Variants in PAXIP1 observed in about 807,000 individuals in gnomAD.
The protein encoded by PAXIP1 is PAX interacting protein 1, also known as PAX-interacting protein 1.
A neutral mutation model predicts 140.6 loss-of-function variants in PAXIP1; 19 were observed. The observed-to-expected ratio is 0.14, with a 90% confidence interval of 0.09 to 0.20. The LOEUF (loss-of-function observed/expected upper bound fraction) is 0.20. Ranked by LOEUF, PAXIP1 falls within the 10% of genes least tolerant of loss-of-function variation. The pLI is 1.00. For missense variants in PAXIP1, 920 were observed against 1,208.6 expected (o/e 0.76, Z 3.54); for synonymous variants, 442 against 444.6 (o/e 0.99, Z 0.07).
Position 154,968,962 on chromosome 7 carries a change from C to T in PAXIP1, c.1239G>A (p.Gln413=), listed in dbSNP as rs1052436124. Residue 413 remains glutamine, a synonymous_variant, in exon 7 of 21, where the codon CAG becomes CAA. Coordinates refer to ENST00000404141, the MANE Select transcript of PAXIP1 (RefSeq NM_007349.4). The stretch of plus-strand genomic sequence containing the variant: ...GGGGCTGAAGGTGTAAAACCGGGTG[C>T]TGCTGCTGCTGCTGCTGGGCCTGCT... ...QQQQAQQQQQ[Q]HPVLHLQPQQ... 1.6e-6 allele frequency: 2 copies of T among 1,217,822 alleles called. No individual in the cohort carries two copies. Among genetic ancestry groups the T allele is most frequent in the African/African-American group, 1.5e-5 (1 of 66,574 alleles). 75.4% of individuals were successfully genotyped at this position (1,217,822 alleles called of 1,614,324 possible).
At chr7:155,003,332 C>T (rs1811027895), upstream of PAXIP1, 1 of 151,994 alleles carries the variant, frequency 6.6e-6, no homozygotes, top group African/African-American at 2.4e-5. Context: ...GAGGGGAAAC[C>T]AGCTCCCCCC....
At chr7:154,957,823 C>T (rs1288005738) in intron 13 of PAXIP1, among the ~76,000 whole-genome samples, 1 of 151,150 alleles carries the variant, frequency 6.6e-6, no homozygotes, top group African/African-American at 2.4e-5. Flanking sequence ...AAAAATTAGC[C>T]GGGCGCGGTG....
intron 5 of PAXIP1, among the ~76,000 whole-genome samples, chr7:154,979,530 A>G (rs1809744518): frequency 6.6e-6 from 1 of 152,126 alleles, no homozygotes; most frequent in Non-Finnish European, 1.5e-5. Context: ...ACAATAATTT[A>G]AAGGAATGAT....
chr7:155,001,368 A>C (rs1210988387), intron 1 of PAXIP1: 1 of 150,620 alleles, frequency 6.6e-6, no homozygotes, highest in Non-Finnish European at 1.5e-5. Flanking sequence ...AAACAAAAAC[A>C]AAAAAACAAA....
At chr7:154,990,886 TAC>T (rs1415330963) in intron 4 of PAXIP1, 118 bp downstream of exon 4, 4 of 596,146 alleles carry the variant, frequency 6.7e-6, no homozygotes, top group East Asian at 3.3e-5. Context: ...TTATATTAAA[TAC>T]ACAGTCAGTT....
At chr7:154,966,141 A>T (rs966598249) in intron 8 of PAXIP1, among the ~76,000 whole-genome samples, 4 of 152,186 alleles carry the variant, frequency 2.6e-5, no homozygotes, top group Admixed American at 2.6e-4. Context: ...CCATTAGTCT[A>T]CAAATATCCT....
intron 6 of PAXIP1, among the ~76,000 whole-genome samples, chr7:154,969,334 G>A (rs753491563): frequency 1.3e-5 from 2 of 152,088 alleles, no homozygotes; most frequent in Non-Finnish European, 2.9e-5. Context: ...TTCATATATT[G>A]AGACCACCAA....
chr7:155,002,664 G>A (rs182797102), intron 1 of PAXIP1, among the ~76,000 whole-genome samples, 185 bp downstream of exon 1: 1,866 of 151,408 alleles, frequency 0.012, 41 homozygotes, highest in African/African-American at 0.042. Flanking sequence ...ACTCCCCCGG[G>A]CCCGGGCCTC....
At chr7:154,990,019 G>A (rs1032122778) in intron 4 of PAXIP1, among the ~76,000 whole-genome samples, 5 of 149,662 alleles carry the variant, frequency 3.3e-5, no homozygotes, top group East Asian at 2.0e-4. Flanking sequence ...TCCTTCTATC[G>A]ACTTGGGATA....
At chr7:155,003,260 C>A (rs1233655507), upstream of PAXIP1, among the ~76,000 whole-genome samples, 3 of 150,374 alleles carry the variant, frequency 2.0e-5, no homozygotes, top group East Asian at 2.0e-4. Context: ...CTGGCGCCGG[C>A]AGCCCGCTCT....
rs1021916532 is a variant in PAXIP1, at chr7:154,993,209, C to T, written c.260+517G>A. On this transcript the variant is annotated intron_variant, in intron 3 of 20. Transcript: ENST00000404141. Reference sequence around the variant, plus strand: ...GGCACATCTATGAATGCTCCATGAACGAACAATGCAAGCAAGGAAGCTCCC... The same window carrying T: ...GGCACATCTATGAATGCTCCATGAATGAACAATGCAAGCAAGGAAGCTCCC... 3.9e-5 allele frequency among the ~76,000 whole-genome samples: 6 copies of T among 152,148 alleles called. No homozygotes were observed. The East Asian group carries it at 5.8e-4, about 15-fold the overall frequency.
intron 6 of PAXIP1, among the ~76,000 whole-genome samples, chr7:154,971,535 C>G (rs1020884581): frequency 6.6e-6 from 1 of 152,230 alleles, no homozygotes; most frequent in African/African-American, 2.4e-5. Context: ...CATCCGATCA[C>G]TTTTTCAACC....
chr7:154,999,270 G>A (rs773260728), intron 1 of PAXIP1, among the ~76,000 whole-genome samples: 8 of 152,226 alleles, frequency 5.3e-5, no homozygotes, highest in Non-Finnish European at 1.2e-4. Context: ...AGTGTTGAAG[G>A]CACTGAACAG....
In PAXIP1 at chr7:154,983,208, G is replaced by C. The variant is rs1327026927; in HGVS notation, c.438+11C>G. The C allele has an allele frequency of 6.9e-7, 1 of 1,443,280 alleles. No individual in the cohort carries two copies. Among genetic ancestry groups the C allele is most frequent in the Non-Finnish European group, 9.5e-7 (1 of 1,056,196 alleles). The allele number at this position is 1,443,280 out of a possible 1,614,324, so 89.4% of individuals were successfully genotyped here. Reference sequence around the variant, plus strand: ...GACATACAAAAAGAAGGTGGCACAAGAAACGCTTACCCCCTTTGGCTCTGG... The same window carrying C: ...GACATACAAAAAGAAGGTGGCACAACAAACGCTTACCCCCTTTGGCTCTGG... On this transcript the variant is annotated intron_variant, in intron 5 of 20. Coordinates refer to ENST00000404141, the MANE Select transcript of PAXIP1 (RefSeq NM_007349.4).
chr7:154,970,568 C>A (rs1809254058), intron 6 of PAXIP1, among the ~76,000 whole-genome samples: 1 of 152,230 alleles, frequency 6.6e-6, no homozygotes, highest in South Asian at 2.1e-4. Context: ...ACAACTGTTT[C>A]ATCTCCATAT....
At chr7:154,980,526 C>T (rs1469195915) in intron 5 of PAXIP1, among the ~76,000 whole-genome samples, 1 of 151,966 alleles carries the variant, frequency 6.6e-6, no homozygotes, top group Non-Finnish European at 1.5e-5. Flanking sequence ...GCAATCCTTC[C>T]GTCTCAGCTT....
In PAXIP1 at chr7:154,954,508, T is replaced by C. The variant is rs1808423830; in HGVS notation, c.2653-85A>G. The C allele has an allele frequency of 2.2e-6, 2 of 893,128 alleles. No homozygotes were observed. The highest frequency in any genetic ancestry group is 1.5e-6 in the Non-Finnish European group (1 of 655,604). The allele number at this position is 893,128 out of a possible 1,614,324, so 55.3% of individuals were successfully genotyped here. A position where few individuals can be genotyped will look rare whatever the true frequency, so the allele number is the denominator to read the frequency against. On this transcript the variant is annotated intron_variant, in intron 15 of 20. Transcript: ENST00000404141. The surrounding 1 kb of genome is among the most constrained non-coding windows in gnomAD (Gnocchi z 5.1). ...ACACAGAGTAACACAGAGGAATATC[T>C]ACCTAAAGACAAGGTTTATGACTGT... is the stretch of plus-strand genomic sequence containing the variant.
chr7:154,975,453 G>A (rs1304335794), intron 6 of PAXIP1, among the ~76,000 whole-genome samples: 1 of 152,058 alleles, frequency 6.6e-6, no homozygotes, highest in African/African-American at 2.4e-5. Flanking sequence ...CTACTCAGCT[G>A]CTTTAAATCT....
At chr7:154,994,446 T>C (rs1176435524) in intron 2 of PAXIP1, among the ~76,000 whole-genome samples, 4 of 152,096 alleles carry the variant, frequency 2.6e-5, no homozygotes, top group Non-Finnish European at 5.9e-5. Flanking sequence ...TCCAGAAACT[T>C]CAGCCAACTG....
Sources: allele counts gnomAD v4.1 joint callset (sites outside exome capture counted in the v4.1 genomes callset), GRCh38; gene constraint gnomAD v4.1.1; non-coding constraint Gnocchi (gnomAD v3.1); transcripts MANE v1.5; gene names NCBI Gene and HGNC (gene_info 2026-07-23, HGNC 2026-07-21).